Variants in CAMKK1 observed in about 807,000 individuals in gnomAD.
The protein encoded by CAMKK1 is calcium/calmodulin-dependent protein kinase kinase 1.
In CAMKK1, 20 loss-of-function variants were observed where a neutral mutation model predicts 63.5. That is an observed-to-expected ratio of 0.32 (90% CI 0.22 to 0.46). The LOEUF is 0.46. Ranked by LOEUF, CAMKK1 falls within the 20% of genes least tolerant of loss-of-function variation. The pLI is 1.00. For synonymous variants in CAMKK1, 253 were observed against 269.0 expected, an observed-to-expected ratio of 0.94 and a Z score of 0.58; for missense variants, 588 against 658.1, an observed-to-expected ratio of 0.89 and a Z score of 1.17.
chr17:3,863,643 A>G (rs1236952660), intron 15 of CAMKK1, among the ~76,000 whole-genome samples: 2 of 152,152 alleles, frequency 1.3e-5, no homozygotes, highest in Non-Finnish European at 1.5e-5. Context: ...TCGGAGGCCA[A>G]GGTGGGCAAA....
chr17:3,882,945 C>T lies in CAMKK1; in HGVS notation c.648+97G>A. 3 of 1,498,706 alleles carry T rather than the reference C, an allele frequency of 2.0e-6. No homozygotes were observed. The highest frequency in any genetic ancestry group is 1.2e-5 in the South Asian group (1 of 80,936). The allele number at this position is 1,498,706 out of a possible 1,614,324, so 92.8% of individuals were successfully genotyped here. A position where few individuals can be genotyped will look rare whatever the true frequency, so the allele number is the denominator to read the frequency against. On this transcript the variant is annotated intron_variant, in intron 6 of 15. Transcript: ENST00000348335. The surrounding 1 kb of genome is among the most constrained non-coding windows in gnomAD (Gnocchi z 4.3). The stretch of plus-strand genomic sequence containing the variant: ...GCCTCAGCCACATCTGCCACCTGGG[C>T]AAGATCCCTGGGTCTGTGCTAGGGG...
chr17:3,870,787 C>G (rs1804385128), intron 12 of CAMKK1, among the ~76,000 whole-genome samples: 1 of 152,102 alleles, frequency 6.6e-6, no homozygotes, highest in African/African-American at 2.4e-5. Flanking sequence ...TGCTTCATCC[C>G]TTTTAAAATT....
At position 3,883,204 on chromosome 17, in the gene CAMKK1, T is replaced by C. The variant is rs2055492929; in HGVS notation, c.515-29A>G. ...TGACCAGGAAGAGAACTCAAACACC[T>C]GTTCCAGGTGGCTGGGCCTCACCGT... is the stretch of plus-strand genomic sequence containing the variant. On this transcript the variant is annotated intron_variant, in intron 5 of 15. Transcript: ENST00000348335. The surrounding 1 kb of genome is among the most constrained non-coding windows in gnomAD (Gnocchi z 4.7). 1 of 1,606,092 alleles carries C rather than the reference T, an allele frequency of 6.2e-7. No homozygotes were observed. Among genetic ancestry groups the C allele is most frequent in the Middle Eastern group, 1.8e-4 (1 of 5,602 alleles).
chr17:3,864,956 G>A (rs1033843650), intron 15 of CAMKK1, among the ~76,000 whole-genome samples: 3 of 152,172 alleles, frequency 2.0e-5, no homozygotes, highest in Non-Finnish European at 2.9e-5. Flanking sequence ...CCCGGACAGC[G>A]CCTGGCACTC....
In CAMKK1 at chr17:3,882,672, C is replaced by A; in HGVS notation, c.649-108G>T. The A allele has an allele frequency of 9.6e-7, 1 of 1,037,366 alleles. No individual in the cohort carries two copies. The highest frequency in any genetic ancestry group is 1.5e-6 in the Non-Finnish European group (1 of 686,730). 64.3% of individuals were successfully genotyped at this position (1,037,366 alleles called of 1,614,324 possible). ...CCAGAACCCTTAGTATGCATGCAAC[C>A]ACCCCAGACAAGGAAGCAGGAAGTG... On this transcript the variant is annotated intron_variant, in intron 6 of 15. Transcript: ENST00000348335. This position sits in a 1 kb window ranked among gnomAD's most constrained non-coding sequence, Gnocchi z 4.3.
Position 3,884,442 on chromosome 17 carries a change from C to A in CAMKK1, c.361-15G>T, listed in dbSNP as rs771992188. On this transcript the variant is annotated splice_polypyrimidine_tract_variant and intron_variant, in intron 2 of 15. Transcript: ENST00000348335. This position sits in a 1 kb window ranked among gnomAD's most constrained non-coding sequence, Gnocchi z 4.5. Reference sequence around the variant, plus strand: ...TGCACGCAGTCCTGTGGGGGAAGAGCGAGCACCAGGTGGAGCTGGGTCCGG... The same window carrying A: ...TGCACGCAGTCCTGTGGGGGAAGAGAGAGCACCAGGTGGAGCTGGGTCCGG... The A allele has an allele frequency of 2.5e-6, 4 of 1,612,034 alleles. No homozygotes were observed. The East Asian group carries it at 8.9e-5, about 36-fold the overall frequency.
intron 12 of CAMKK1, among the ~76,000 whole-genome samples, chr17:3,870,375 T>C (rs1028265539): frequency 2.6e-5 from 4 of 151,510 alleles, no homozygotes; most frequent in African/African-American, 4.8e-5. Flanking sequence ...AGGGTTCTTT[T>C]TTTTTTTTGA....
rs746924224 is a variant in CAMKK1, at chr17:3,883,430, T to C, written c.513A>G (p.Pro171=). 2 of 1,613,472 alleles carry C rather than the reference T, an allele frequency of 1.2e-6. No individual in the cohort carries two copies. The highest frequency in any genetic ancestry group is 2.2e-5 in the South Asian group (2 of 91,074). ...KKKLLKQYGF[P]RRPPPRGSQA... ...GGGACAGGATCAGAAGATACATACGTGGAAAGCCATACTGCTTCAGTAACT... is the reference window on the plus strand; with the variant it reads ...GGGACAGGATCAGAAGATACATACGCGGAAAGCCATACTGCTTCAGTAACT... Residue 171 remains proline (P), a splice_region_variant and synonymous_variant, in exon 5 of 16, where the codon CCA becomes CCG. Transcript: ENST00000348335. The surrounding 1 kb of genome is among the most constrained non-coding windows in gnomAD (Gnocchi z 4.7).
In CAMKK1 at chr17:3,872,561, G is replaced by C; in HGVS notation, c.1117C>G (p.Pro373Ala). The C allele has an allele frequency of 6.2e-7, 1 of 1,613,868 alleles. No homozygotes were observed. Among genetic ancestry groups the C allele is most frequent in the Non-Finnish European group, 8.5e-7 (1 of 1,179,762 alleles). The change falls in exon 12 of 16, where the codon CCT (proline) becomes GCT (alanine). Residue 373 changes from proline (P) to alanine (A), a missense_variant. By Grantham distance (27) the Pro-to-Ala change is conservative. This residue lies in a region of CAMKK1 where 226 missense variants were observed against 229.2 expected (regional missense o/e 0.99). Coordinates refer to ENST00000348335, the MANE Select transcript of CAMKK1 (RefSeq NM_032294.3). ...CCTGGGTGGACAACTCACTCCTCAG[G>C]AAACACCACGGGCTCATTCTTGATC... ...RKIKNEPVVFPEEPEISEELK... is the reference protein window; with the variant it reads ...RKIKNEPVVFAEEPEISEELK...
chr17:3,863,721 T>TA (rs56119308), intron 15 of CAMKK1, among the ~76,000 whole-genome samples: 1 of 151,372 alleles, frequency 6.6e-6, no homozygotes, highest in Admixed American at 6.6e-5. Flanking sequence ...ATTTTTTTTT[T>TA]AAAAAGCTCT....
Position 3,890,526 on chromosome 17 carries a change from C to G in CAMKK1, c.-44+2413G>C, listed in dbSNP as rs1363520846. Among the ~76,000 whole-genome samples, 2 of 152,168 alleles carry G rather than the reference C, an allele frequency of 1.3e-5. No homozygotes were observed. The highest frequency in any genetic ancestry group is 2.9e-5 in the Non-Finnish European group (2 of 68,008). ...GCTCAGATCCAACAGGCCCCAGATTCAACTCAGCATCTTCCCCAAACCTGC... is the reference window on the plus strand; with the variant it reads ...GCTCAGATCCAACAGGCCCCAGATTGAACTCAGCATCTTCCCCAAACCTGC... On this transcript the variant is annotated intron_variant, in intron 1 of 15. Transcript: ENST00000348335. This position sits in a 1 kb window ranked among gnomAD's most constrained non-coding sequence, Gnocchi z 6.5.
rs529906692 is a variant in CAMKK1 at position 3,883,800 on chromosome 17, A to G, written c.462+84T>C. Reference sequence around the variant, plus strand: ...TCACTCTCAGGCAGCCCTGTCCTCTATCTCCTAAGCACAACTCCTGCCCCA... The same window carrying G: ...TCACTCTCAGGCAGCCCTGTCCTCTGTCTCCTAAGCACAACTCCTGCCCCA... On this transcript the variant is annotated intron_variant, in intron 4 of 15. Coordinates refer to ENST00000348335, the MANE Select transcript of CAMKK1 (RefSeq NM_032294.3). This position sits in a 1 kb window ranked among gnomAD's most constrained non-coding sequence, Gnocchi z 4.7. 1,607 of 1,393,502 alleles carry G rather than the reference A, an allele frequency of 1.2e-3. 5 individuals carry two copies. Among genetic ancestry groups the G allele is most frequent in the Non-Finnish European group, 1.5e-3 (1,499 of 982,952 alleles). 86.3% of individuals were successfully genotyped at this position (1,393,502 alleles called of 1,614,324 possible).
rs540491035 is a variant in CAMKK1, at chr17:3,865,081, C to T, written c.1445+827G>A. On this transcript the variant is annotated intron_variant, in intron 15 of 15. Coordinates refer to ENST00000348335, the MANE Select transcript of CAMKK1 (RefSeq NM_032294.3). Reference sequence around the variant, plus strand: ...GGCCAGAGGAAGGCAGTGGCTGTCCCAGGACCACGCTGTGGTTCAGGACCC... The same window carrying T: ...GGCCAGAGGAAGGCAGTGGCTGTCCTAGGACCACGCTGTGGTTCAGGACCC... 24 of 970,006 alleles carry T rather than the reference C, an allele frequency of 2.5e-5. No individual in the cohort carries two copies. The African/African-American group carries it at 4.2e-4, about 17-fold the overall frequency. The allele number at this position is 970,006 out of a possible 1,614,324, so 60.1% of individuals were successfully genotyped here.
rs2054864967 is a variant in CAMKK1 at position 3,871,421 on chromosome 17, C to G, written c.1124+1133G>C. Among the ~76,000 whole-genome samples, 7 of 134,566 alleles carry G rather than the reference C, an allele frequency of 5.2e-5. No homozygotes were observed. In the South Asian group the frequency reaches 1.7e-3, roughly 33 times the overall value. The allele number at this position is 134,566 out of a possible 152,430, so 88.3% of individuals were successfully genotyped here. ...CCAGGCTGGAGTGCAGTAGCACGGT[C>G]TCAGCTCACTGAAACCTCTGCCTCC... On this transcript the variant is annotated intron_variant, in intron 12 of 15. Coordinates refer to ENST00000348335, the MANE Select transcript of CAMKK1 (RefSeq NM_032294.3).
Position 3,869,869 on chromosome 17 carries a change from G to T in CAMKK1, c.1144C>A (p.Leu382Ile). Residue 382 changes from leucine to isoleucine, a missense_variant, in exon 13 of 16, where the codon CTC becomes ATC. Leu to Ile is a conservative substitution (Grantham distance 5). Transcript: ENST00000348335. ...FPEEPEISEE[L>I]KDLILKMLDK... ...AACATCTTCAGGATCAGGTCCTTGA[G>T]CTCCTCGCTGATTTCTGGCCTGGAG... The T allele has an allele frequency of 6.2e-7, 1 of 1,614,210 alleles. No individual in the cohort carries two copies. Among genetic ancestry groups the T allele is most frequent in the Non-Finnish European group, 8.5e-7 (1 of 1,180,020 alleles).
rs2054329622 is a variant in CAMKK1 at position 3,861,386 on chromosome 17, T to C, written c.*825A>G. ...TCCAGCCTCAGCTCTAGGGGCATCATCAAGGGAGAGAGTGAGATGGGCAGG... is the reference window on the plus strand; with the variant it reads ...TCCAGCCTCAGCTCTAGGGGCATCACCAAGGGAGAGAGTGAGATGGGCAGG... On this transcript the variant is annotated 3_prime_UTR_variant, in exon 16 of 16. Transcript: ENST00000348335. The C allele has an allele frequency of 6.6e-6, 1 of 152,354 alleles. No homozygotes were observed. The highest frequency in any genetic ancestry group is 1.5e-5 in the Non-Finnish European group (1 of 68,166). The allele number at this position is 152,354 out of a possible 1,614,324, so 9.4% of individuals were successfully genotyped here.
In CAMKK1 at chr17:3,883,169, G is replaced by T; in HGVS notation, c.521C>A (p.Pro174His). Reference protein sequence around the residue: ...LLKQYGFPRRPPPRGSQAAQG... With the variant: ...LLKQYGFPRRHPPRGSQAAQG... ...GGCAGCCTGGGACCCTCTCGGGGGAGGGCGACCTGTGACCAGGAAGAGAAC... is the reference window on the plus strand; with the variant it reads ...GGCAGCCTGGGACCCTCTCGGGGGATGGCGACCTGTGACCAGGAAGAGAAC... Residue 174 changes from proline (P) to histidine (H), a missense_variant, in exon 6 of 16, where the codon CCT becomes CAT. Pro to His is a moderately conservative substitution (Grantham distance 77). This residue lies in a region of CAMKK1 where 357 missense variants were observed against 407.4 expected (regional missense o/e 0.88). Transcript: ENST00000348335. This position sits in a 1 kb window ranked among gnomAD's most constrained non-coding sequence, Gnocchi z 4.7. 6.2e-7 allele frequency: 1 copy of T among 1,610,102 alleles called. No individual in the cohort carries two copies. Among genetic ancestry groups the T allele is most frequent in the Non-Finnish European group, 8.5e-7 (1 of 1,179,942 alleles).
chr17:3,870,720 A>G (rs9915651), intron 12 of CAMKK1, among the ~76,000 whole-genome samples: 25,675 of 152,094 alleles, frequency 0.17, 3,409 homozygotes, highest in African/African-American at 0.36. Flanking sequence ...TTCCAAGACT[A>G]GGGAGCAGAA....
rs1426304243 is a variant in CAMKK1, at chr17:3,889,716, C to T, written c.-44+3223G>A. Reference sequence around the variant, plus strand: ...AGCTCCAAGATGGCCTGGCACATATCCCCCACCCAGGTTTTTCCTCCCAGG... The same window carrying T: ...AGCTCCAAGATGGCCTGGCACATATTCCCCACCCAGGTTTTTCCTCCCAGG... On this transcript the variant is annotated intron_variant, in intron 1 of 15. Coordinates refer to ENST00000348335, the MANE Select transcript of CAMKK1 (RefSeq NM_032294.3). This position sits in a 1 kb window ranked among gnomAD's most constrained non-coding sequence, Gnocchi z 5.2. Among the ~76,000 whole-genome samples the T allele has an allele frequency of 6.6e-6, 1 of 152,098 alleles. No individual in the cohort carries two copies. Among genetic ancestry groups the T allele is most frequent in the Admixed American group, 6.5e-5 (1 of 15,276 alleles).
Sources: gnomAD v4.1 joint callset for allele counts (sites outside exome capture counted in the v4.1 genomes callset) on GRCh38, gnomAD v4.1.1 for gene constraint, gnomAD v4.1.1 regional missense constraint, Gnocchi (gnomAD v3.1) non-coding constraint, MANE v1.5 for transcripts, NCBI Gene and HGNC (gene_info 2026-07-23, HGNC 2026-07-21) for gene names.